Variants in SAV1 observed in about 807,000 individuals in gnomAD.
SAV1 encodes salvador family WW domain containing protein 1.
Under a neutral mutation model 47.3 loss-of-function variants are expected in SAV1, and 23 were observed. The observed-to-expected ratio is 0.49, with a 90% CI of 0.35 to 0.69. The LOEUF (loss-of-function observed/expected upper bound fraction) is 0.69. Ranked by LOEUF, SAV1 falls within the 30% of genes least tolerant of loss-of-function variation. The pLI is 0.01. For synonymous variants in SAV1, 155 were observed against 159.2 expected, an observed-to-expected ratio of 0.97 and a Z score of 0.20; for missense variants, 448 against 457.4, an observed-to-expected ratio of 0.98 and a Z score of 0.19.
chr14:50,659,514 G>A (rs1203797493), intron 2 of SAV1, among the ~76,000 whole-genome samples: 3 of 152,170 alleles, frequency 2.0e-5, no homozygotes, highest in Non-Finnish European at 2.9e-5. Context: ...CAGCCCCTGG[G>A]CAGGCTGCCC....
At chr14:50,664,063 T>TG (rs988694245) in intron 2 of SAV1, among the ~76,000 whole-genome samples, 69 of 152,340 alleles carry the variant, frequency 4.5e-4, no homozygotes, top group African/African-American at 1.6e-3. Flanking sequence ...ATCATCTCTT[T>TG]AAGTATTCCA....
intron 2 of SAV1, among the ~76,000 whole-genome samples, chr14:50,660,607 T>C (rs1246538871): frequency 2.0e-5 from 3 of 152,208 alleles, no homozygotes; most frequent in African/African-American, 7.2e-5. Context: ...GTATTTATCA[T>C]TTCTATGTGT....
intron 2 of SAV1, among the ~76,000 whole-genome samples, chr14:50,647,372 A>G (rs530727869): frequency 6.6e-6 from 1 of 152,298 alleles, no homozygotes; most frequent in South Asian, 2.1e-4. Flanking sequence ...AGAATATACA[A>G]AGAATTCTCA....
rs1036291531 is a variant in SAV1 at position 50,655,971 on chromosome 14, G to C, written c.535+9208C>G. On this transcript the variant is annotated intron_variant, in intron 2 of 4. Coordinates refer to ENST00000324679, the MANE Select transcript of SAV1 (RefSeq NM_021818.4). ...GAGGCAGAAGAATCACTTGAACCCA[G>C]GAGGCAGAGGTTGTGGTGAGCCAAG... Among the ~76,000 whole-genome samples, 3 of 152,188 alleles carry C rather than the reference G, an allele frequency of 2.0e-5. No homozygotes were observed. In the East Asian group the frequency reaches 5.8e-4, roughly 30 times the overall value.
intron 2 of SAV1, among the ~76,000 whole-genome samples, chr14:50,647,922 A>G (rs1158114318): frequency 6.6e-6 from 1 of 152,244 alleles, no homozygotes; most frequent in African/African-American, 2.4e-5. Flanking sequence ...TTCATATGCT[A>G]CAGCAATCCC....
chr14:50,667,448 A>C (rs1412775349), intron 1 of SAV1: 1 of 456,738 alleles, frequency 2.2e-6, no homozygotes, highest in Admixed American at 2.3e-5. Flanking sequence ...AACTTGCAGC[A>C]CAGTCGAGAG....
At chr14:50,655,280 G>T (rs1179986130) in intron 2 of SAV1, among the ~76,000 whole-genome samples, 1 of 152,150 alleles carries the variant, frequency 6.6e-6, no homozygotes, top group Admixed American at 6.5e-5. Flanking sequence ...GCATAACAAT[G>T]TAACAATTTT....
intron 2 of SAV1, among the ~76,000 whole-genome samples, chr14:50,662,038 T>C (rs925321120): frequency 2.6e-5 from 4 of 152,252 alleles, no homozygotes; most frequent in African/African-American, 4.8e-5. Context: ...ATTCAATCTG[T>C]AGATTACTTT....
At chr14:50,662,651 T>C (rs2039869951) in intron 2 of SAV1, 2 of 152,234 alleles carry the variant, frequency 1.3e-5, no homozygotes, top group Admixed American at 1.3e-4. Flanking sequence ...TCCTCAATTA[T>C]ATTTGGCAAA....
intron 2 of SAV1, among the ~76,000 whole-genome samples, chr14:50,648,578 G>A (rs1194327845): frequency 3.9e-5 from 6 of 152,108 alleles, no homozygotes; most frequent in African/African-American, 1.4e-4. Context: ...AGGAGATCGA[G>A]ACCATCCTGG....
At chr14:50,636,864 T>C (rs1483836263) in intron 4 of SAV1, among the ~76,000 whole-genome samples, 1 of 152,202 alleles carries the variant, frequency 6.6e-6, no homozygotes. Context: ...ACCTCTCAAA[T>C]CATACTGCAG....
chr14:50,656,155 T>C (rs1382358881), intron 2 of SAV1, among the ~76,000 whole-genome samples: 1 of 152,226 alleles, frequency 6.6e-6, no homozygotes, highest in Non-Finnish European at 1.5e-5. Context: ...TGCCTAAATC[T>C]AGAACCACAT....
chr14:50,662,771 G>A (rs2039870794), intron 2 of SAV1: 2 of 152,294 alleles, frequency 1.3e-5, no homozygotes, highest in Middle Eastern at 3.4e-3. Flanking sequence ...CAATATAGGT[G>A]GGAAAGGTGA....
chr14:50,655,396 T>G (rs1236912871), intron 2 of SAV1, among the ~76,000 whole-genome samples: 1 of 151,400 alleles, frequency 6.6e-6, no homozygotes, highest in Non-Finnish European at 1.5e-5. Flanking sequence ...GAAACAAAAT[T>G]CTAAATACTG....
At chr14:50,667,155 G>A (rs2039908162) in intron 1 of SAV1, among the ~76,000 whole-genome samples, 1 of 151,318 alleles carries the variant, frequency 6.6e-6, no homozygotes, top group South Asian at 2.1e-4. Context: ...ACATTAAGAA[G>A]AAAAGCAGCG....
intron 4 of SAV1, among the ~76,000 whole-genome samples, chr14:50,638,915 G>A (rs376389861): frequency 2.6e-5 from 4 of 152,014 alleles, no homozygotes; most frequent in African/African-American, 9.7e-5. Flanking sequence ...CTACAGGCGC[G>A]TGCCACCATA....
chr14:50,645,544 T>C (rs1402872485), intron 2 of SAV1, among the ~76,000 whole-genome samples: 4 of 152,124 alleles, frequency 2.6e-5, no homozygotes, highest in Admixed American at 1.3e-4. Context: ...CAAGATATCT[T>C]ATTATGTACA....
chr14:50,642,127 T>C (rs951169869), intron 3 of SAV1, among the ~76,000 whole-genome samples: 1 of 152,080 alleles, frequency 6.6e-6, no homozygotes, highest in Admixed American at 6.5e-5. Context: ...TAATACCACA[T>C]GTTGATAGGT....
At chr14:50,659,158 C>A (rs971097660) in intron 2 of SAV1, among the ~76,000 whole-genome samples, 1 of 149,188 alleles carries the variant, frequency 6.7e-6, no homozygotes, top group Non-Finnish European at 1.5e-5. Flanking sequence ...TTAAACCTAA[C>A]GCAATCTGAT....
Sources: allele counts gnomAD v4.1 joint callset (sites outside exome capture counted in the v4.1 genomes callset), GRCh38; gene constraint gnomAD v4.1.1; transcripts MANE v1.5; gene names NCBI Gene and HGNC (gene_info 2026-07-23, HGNC 2026-07-21).